Variants in GCKR observed in about 807,000 individuals in gnomAD.
GCKR encodes the protein glucokinase regulator, also known as glucokinase regulatory protein.
GCKR carries 73 observed loss-of-function variants against 82.9 expected under a neutral mutation model. The observed-to-expected ratio is 0.88, with a 90% CI of 0.73 to 1.07. The LOEUF (loss-of-function observed/expected upper bound fraction) is 1.07, where lower values mean the gene tolerates loss of function less well. Among genes scored for constraint, GCKR ranks in the 50% least tolerant of loss-of-function variants. GCKR has a pLI of 0.00. For missense variants in GCKR, 784 were observed against 782.1 expected (o/e 1.00, Z -0.03); for synonymous variants, 294 against 291.8 (o/e 1.01, Z -0.08).
intron 17 of GCKR, among the ~76,000 whole-genome samples, chr2:27,520,218 A>G (rs1670117404): frequency 6.6e-6 from 1 of 152,128 alleles, no homozygotes; most frequent in South Asian, 2.1e-4. Flanking sequence ...GGTCCCCAAA[A>G]TAAACTATGG....
intron 7 of GCKR, among the ~76,000 whole-genome samples, chr2:27,499,886 AAG>A (rs1314695074): frequency 7.0e-6 from 1 of 142,234 alleles, no homozygotes; most frequent in Non-Finnish European, 1.5e-5. Flanking sequence ...GCCTCCCGAA[AAG>A]CTGGGATCAC....
At chr2:27,508,979 A>G (rs1188932438) in intron 16 of GCKR, among the ~76,000 whole-genome samples, 1 of 152,104 alleles carries the variant, frequency 6.6e-6, no homozygotes, top group Non-Finnish European at 1.5e-5. Flanking sequence ...TACTGATAAT[A>G]ATTACAGAAA....
Position 27,523,557 on chromosome 2 carries a change from C to T in GCKR, c.*118C>T, listed in dbSNP as rs1487704991. 35 of 986,900 alleles carry T rather than the reference C, an allele frequency of 3.5e-5. No individual in the cohort carries two copies. The highest frequency in any genetic ancestry group is 5.9e-4 in the Middle Eastern group (2 of 3,398). 61.1% of individuals were successfully genotyped at this position (986,900 alleles called of 1,614,324 possible). ...GAAGAAGCCCCGTTTCCAGGGCATC[C>T]GCAGCCCAGGGTAGGGAGAAATATT... On this transcript the variant is annotated 3_prime_UTR_variant, in exon 19 of 19. Coordinates refer to ENST00000264717, the MANE Select transcript of GCKR (RefSeq NM_001486.4).
chr2:27,507,225 A>G lies in GCKR; in HGVS notation c.1067-10A>G. Reference sequence around the variant, plus strand: ...AATCACTCCTCTCTCCTTGTTCTTAAACTTCCCAGATTTCCGAGATGTCCG... The same window carrying G: ...AATCACTCCTCTCTCCTTGTTCTTAGACTTCCCAGATTTCCGAGATGTCCG... On this transcript the variant is annotated splice_polypyrimidine_tract_variant and intron_variant, in intron 12 of 18. Transcript: ENST00000264717. The G allele has an allele frequency of 6.3e-7, 1 of 1,596,202 alleles. No homozygotes were observed. The highest frequency in any genetic ancestry group is 8.6e-7 in the Non-Finnish European group (1 of 1,163,674).
intron 7 of GCKR, among the ~76,000 whole-genome samples, chr2:27,500,884 G>A (rs537413003): frequency 6.6e-6 from 1 of 152,320 alleles, no homozygotes; most frequent in Admixed American, 6.5e-5. Flanking sequence ...AAGAGTTTAC[G>A]ATTTTAGTTC....
chr2:27,520,311 G>A (rs1180566993), intron 17 of GCKR, among the ~76,000 whole-genome samples: 1 of 151,820 alleles, frequency 6.6e-6, no homozygotes, highest in East Asian at 1.9e-4. Context: ...TGGAAGGGGT[G>A]GTATTTTGAG....
At chr2:27,508,761 C>T (rs938991053) in intron 16 of GCKR, among the ~76,000 whole-genome samples, 1 of 152,112 alleles carries the variant, frequency 6.6e-6, no homozygotes, top group Non-Finnish European at 1.5e-5. Context: ...GATCTGCCTG[C>T]CTCGACCTCC....
In GCKR at chr2:27,497,338, T is replaced by C. The variant is rs1441082642; in HGVS notation, c.155T>C (p.Leu52Pro). Residue 52 changes from leucine to proline, a missense_variant, in exon 2 of 19, where the codon CTG becomes CCG. By Grantham distance (98) the Leu-to-Pro change is moderately conservative. Coordinates refer to ENST00000264717, the MANE Select transcript of GCKR (RefSeq NM_001486.4). The part of the protein sequence containing the change: ...DKADAENIVR[L>P]LGQCDAEIFQ... ...GCAGATGCTGAGAACATTGTTCGAC[T>C]GCTAGGGCAATGTGATGCTGAGATC... The C allele has an allele frequency of 1.2e-6, 2 of 1,614,094 alleles. No individual in the cohort carries two copies. Among genetic ancestry groups the C allele is most frequent in the Admixed American group, 1.7e-5 (1 of 60,008 alleles).
In GCKR at chr2:27,506,519, A is replaced by G. The variant is rs1420880500; in HGVS notation, c.908A>G (p.His303Arg). ...ATCTTGCGGACATTTGAGCGAGCTCATCAGGTGACCTACAGCCAAAGCCCC... is the reference window on the plus strand; with the variant it reads ...ATCTTGCGGACATTTGAGCGAGCTCGTCAGGTGACCTACAGCCAAAGCCCC... ...LEILRTFERA[H>R]QVTYSQSPKI... The change falls in exon 11 of 19, where the codon CAT (histidine) becomes CGT (arginine). Residue 303 changes from histidine to arginine, a missense_variant. By Grantham distance (29) the His-to-Arg change is conservative (BLOSUM62 0). Coordinates refer to ENST00000264717, the MANE Select transcript of GCKR (RefSeq NM_001486.4). 6.2e-7 allele frequency: 1 copy of G among 1,613,910 alleles called. No individual in the cohort carries two copies. The highest frequency in any genetic ancestry group is 2.2e-5 in the East Asian group (1 of 44,894).
intron 3 of GCKR, 71 bp downstream of exon 3, chr2:27,497,701 T>C (rs1352418118): frequency 1.6e-5 from 15 of 937,660 alleles, no homozygotes; most frequent in Non-Finnish European, 2.6e-5. Flanking sequence ...TGTCTCTATT[T>C]CTCACTTTGA....
chr2:27,518,673 C>A (rs1156871163), intron 16 of GCKR, 115 bp from the exon 17 acceptor site: 13 of 845,100 alleles, frequency 1.5e-5, no homozygotes, highest in Non-Finnish European at 2.1e-5. Context: ...ATCATGTTTG[C>A]ATTTTGGTCC....
At chr2:27,520,842 C>A (rs1670134445) in intron 17 of GCKR, among the ~76,000 whole-genome samples, 1 of 151,856 alleles carries the variant, frequency 6.6e-6, no homozygotes, top group Admixed American at 6.6e-5. Flanking sequence ...TCGAGACCAG[C>A]CTGGCCAACA....
intron 16 of GCKR, among the ~76,000 whole-genome samples, chr2:27,517,051 T>C (rs570936649): frequency 1.5e-4 from 23 of 149,550 alleles, no homozygotes; most frequent in African/African-American, 5.7e-4. Context: ...TCTCATTCTG[T>C]CGCCAGGCTG....
chr2:27,507,929 C>CAGCT (rs1428347838), intron 14 of GCKR, 48 bp from the exon 15 acceptor site: 2 of 1,367,432 alleles, frequency 1.5e-6, no homozygotes, highest in Non-Finnish European at 2.1e-6. Flanking sequence ...GCAGGAGGAA[C>CAGCT]AGCTGCACAG....
Position 27,506,956 on chromosome 2 carries a change from T to A in GCKR, c.1066+71T>A. On this transcript the variant is annotated intron_variant, in intron 12 of 18. Coordinates refer to ENST00000264717, the MANE Select transcript of GCKR (RefSeq NM_001486.4). ...ACCATTCGGGCTGCTCTCCAAACAC[T>A]GTCCTACTCCCAACCCATGGGTGTT... The A allele has an allele frequency of 3.0e-6, 3 of 1,008,926 alleles. No individual in the cohort carries two copies. The Middle Eastern group carries it at 6.3e-4, about 213-fold the overall frequency. The allele number at this position is 1,008,926 out of a possible 1,614,324, so 62.5% of individuals were successfully genotyped here. A position where few individuals can be genotyped will look rare whatever the true frequency, so the allele number is the denominator to read the frequency against.
chr2:27,522,562 T>C lies in GCKR; in HGVS notation c.1675T>C (p.Cys559Arg). The change falls in exon 18 of 19, where the codon TGC (cysteine) becomes CGC (arginine). Residue 559 changes from cysteine (C) to arginine (R), a missense_variant. Physicochemically the swap from Cys to Arg is radical, Grantham distance 180. Transcript: ENST00000264717. The stretch of plus-strand genomic sequence containing the variant: ...TGATATTCGGGCTGCTCCCATCTCC[T>C]GCCATGTCCAGGTTGCACATGAGAA... ...SDDIRAAPIS[C>R]HVQVAHEKEQ... 1 of 1,614,142 alleles carries C rather than the reference T, an allele frequency of 6.2e-7. No individual in the cohort carries two copies. Among genetic ancestry groups the C allele is most frequent in the Non-Finnish European group, 8.5e-7 (1 of 1,179,976 alleles).
In GCKR at chr2:27,501,224, G is replaced by A. The variant is rs1572860486; in HGVS notation, c.639G>A (p.Met213Ile). The change falls in exon 8 of 19, where the codon ATG becomes ATA. Residue 213 changes from methionine to isoleucine, a missense_variant. Met to Ile is a conservative substitution (Grantham distance 10, BLOSUM62 1). Transcript: ENST00000264717. ...TGGTTGGCTTCAATCCAGTGAGCATGGCCAGGTGAGCCTTCTGGAATGACT... is the reference window on the plus strand; with the variant it reads ...TGGTTGGCTTCAATCCAGTGAGCATAGCCAGGTGAGCCTTCTGGAATGACT... The part of the protein sequence containing the change: ...PVLVGFNPVS[M>I]ARNDPIEDWS... The A allele has an allele frequency of 6.2e-7, 1 of 1,608,918 alleles. No homozygotes were observed.
At chr2:27,511,212 G>T (rs1026763870) in intron 16 of GCKR, among the ~76,000 whole-genome samples, 1 of 151,788 alleles carries the variant, frequency 6.6e-6, no homozygotes, top group African/African-American at 2.4e-5. Context: ...ATTTTTTGTA[G>T]AGACAGGGTT....
chr2:27,522,668 A>G, intron 18 of GCKR, 74 bp downstream of exon 18: 1 of 1,295,582 alleles, frequency 7.7e-7, no homozygotes, highest in Admixed American at 1.7e-5. Context: ...TTTGTTCGGC[A>G]CTGGGTTTAC....
Sources: gnomAD v4.1 joint callset for allele counts (sites outside exome capture counted in the v4.1 genomes callset) on GRCh38, gnomAD v4.1.1 for gene constraint, MANE v1.5 for transcripts, NCBI Gene and HGNC (gene_info 2026-07-23, HGNC 2026-07-21) for gene names.